Variants in TNFSF15 observed in about 807,000 individuals in gnomAD.
TNFSF15 encodes the protein tumor necrosis factor ligand superfamily member 15.
Under a neutral mutation model 26.4 loss-of-function variants are expected in TNFSF15, and 15 were observed. That is an observed-to-expected ratio of 0.57 (90% CI 0.38 to 0.87). The LOEUF (loss-of-function observed/expected upper bound fraction) is 0.87. Ranked by LOEUF, TNFSF15 falls within the 40% of genes least tolerant of loss-of-function variation. The probability of loss-of-function intolerance (pLI) is 0.00; values close to 1 mark genes in which losing one functional copy is unlikely to be tolerated. For synonymous variants in TNFSF15, 116 were observed against 115.0 expected (o/e 1.01, Z -0.06); for missense variants, 290 against 306.1 (o/e 0.95, Z 0.39).
chr9:114,802,297 G>T (rs957213448), intron 1 of TNFSF15, among the ~76,000 whole-genome samples: 17 of 152,152 alleles, frequency 1.1e-4, no homozygotes, highest in African/African-American at 4.1e-4. Flanking sequence ...CTGTCACCCA[G>T]GCTGGAGTGA....
At chr9:114,805,658 C>T in intron 1 of TNFSF15, 145 bp downstream of exon 1, 4 of 766,936 alleles carry the variant, frequency 5.2e-6, no homozygotes, top group Non-Finnish European at 6.1e-6. Flanking sequence ...CTCTCCACCC[C>T]TCCCACTCTA....
Position 114,797,221 on chromosome 9 carries a change from T to C in TNFSF15, c.211-3653A>G, listed in dbSNP as rs139487980. Among the ~76,000 whole-genome samples the C allele has an allele frequency of 9.0e-4, 137 of 152,364 alleles. 3 individuals carry two copies. The highest frequency in any genetic ancestry group is 9.8e-4 in the Non-Finnish European group (67 of 68,042). On this transcript the variant is annotated intron_variant, in intron 1 of 3. Coordinates refer to ENST00000374045, the MANE Select transcript of TNFSF15 (RefSeq NM_005118.4). ...ACTCAGAATCCCATTGTCATTAGCA[T>C]GTATCTGAGCTGTGGACACATTTCC...
chr9:114,801,987 A>G (rs1253538885), intron 1 of TNFSF15, among the ~76,000 whole-genome samples: 5 of 152,216 alleles, frequency 3.3e-5, no homozygotes, highest in Admixed American at 2.6e-4. Flanking sequence ...ATGTTCATAT[A>G]GGTAAATATT....
At chr9:114,801,097 G>T (rs1184780646) in intron 1 of TNFSF15, among the ~76,000 whole-genome samples, 1 of 152,170 alleles carries the variant, frequency 6.6e-6, no homozygotes. Flanking sequence ...GTTAAACCCT[G>T]GGCAGGAATG....
chr9:114,800,158 T>C (rs761883557), intron 1 of TNFSF15, among the ~76,000 whole-genome samples: 1 of 152,202 alleles, frequency 6.6e-6, no homozygotes, highest in Non-Finnish European at 1.5e-5. Flanking sequence ...GAATCATGTC[T>C]GCTGAGCATC....
rs55809188 is a variant in TNFSF15 at position 114,797,304 on chromosome 9, T to C, written c.211-3736A>G. On this transcript the variant is annotated intron_variant, in intron 1 of 3. Coordinates refer to ENST00000374045, the MANE Select transcript of TNFSF15 (RefSeq NM_005118.4). ...CACACATTTTATTTTCATATATGGATGGATAAGTATGGTCCAGTGTGCCAC... is the reference window on the plus strand; with the variant it reads ...CACACATTTTATTTTCATATATGGACGGATAAGTATGGTCCAGTGTGCCAC... 1.8e-3 allele frequency among the ~76,000 whole-genome samples: 271 copies of C among 152,342 alleles called. 4 individuals are homozygous for C. The East Asian group carries it at 0.029, about 16-fold the overall frequency.
intron 1 of TNFSF15, among the ~76,000 whole-genome samples, chr9:114,801,487 G>T (rs1015481167): frequency 6.6e-6 from 1 of 152,266 alleles, no homozygotes; most frequent in Middle Eastern, 3.4e-3. Flanking sequence ...CTCTGGCCAG[G>T]CGATGGCAAA....
chr9:114,797,695 C>A (rs901054993), intron 1 of TNFSF15, among the ~76,000 whole-genome samples: 2 of 152,144 alleles, frequency 1.3e-5, no homozygotes, highest in African/African-American at 4.8e-5. Flanking sequence ...CTGGGGGCAC[C>A]GAAGAGGTGT....
rs1442276581 is a variant in TNFSF15, at chr9:114,786,809, G to C, written c.*3643C>G. On this transcript the variant is annotated 3_prime_UTR_variant, in exon 4 of 4. Coordinates refer to ENST00000374045, the MANE Select transcript of TNFSF15 (RefSeq NM_005118.4). ...AGCCTGTAGTCCCAGCTACTCGGGAGGCTGAAGCAGGAGAATGGCGTGAAC... is the reference window on the plus strand; with the variant it reads ...AGCCTGTAGTCCCAGCTACTCGGGACGCTGAAGCAGGAGAATGGCGTGAAC... 1 of 151,464 alleles carries C rather than the reference G, an allele frequency of 6.6e-6. No homozygotes were observed. Among genetic ancestry groups the C allele is most frequent in the Non-Finnish European group, 1.5e-5 (1 of 67,988 alleles). The allele number at this position is 151,464 out of a possible 1,614,324, so 9.4% of individuals were successfully genotyped here.
At position 114,805,212 on chromosome 9, in the gene TNFSF15, G is replaced by T. The variant is rs1829801883; in HGVS notation, c.210+591C>A. On this transcript the variant is annotated intron_variant, in intron 1 of 3. Transcript: ENST00000374045. ...GTTCTAAACCCAAGAAAAAGAGTGG[G>T]TAAAGAAATTATAGCATCCACATAT... 2.0e-5 allele frequency among the ~76,000 whole-genome samples: 3 copies of T among 152,154 alleles called. No homozygotes were observed. In the South Asian group the frequency reaches 6.2e-4, roughly 32 times the overall value.
Position 114,805,944 on chromosome 9 carries a change from G to C in TNFSF15, c.69C>G (p.Ser23Arg). 6.2e-7 allele frequency: 1 copy of C among 1,614,110 alleles called. No individual in the cohort carries two copies. The highest frequency in any genetic ancestry group is 8.5e-7 in the Non-Finnish European group (1 of 1,180,044). ...TGCTGCTCCTGGCCTTGGGCCTGCA[G>C]CTGCCGTGCTCTGGCAGCATTTCCA... ...ASVEMLPEHGSCRPKARSSSA... is the reference protein window; with the variant it reads ...ASVEMLPEHGRCRPKARSSSA... The change falls in exon 1 of 4, where the codon AGC becomes AGG. Residue 23 changes from serine (S) to arginine (R), a missense_variant. Physicochemically the swap from Ser to Arg is moderately radical, Grantham distance 110 (BLOSUM62 -1). Around this residue, in one of 3 missense-constraint regions of TNFSF15, gnomAD observed 179 missense variants for 165.9 expected, o/e 1.08. Coordinates refer to ENST00000374045, the MANE Select transcript of TNFSF15 (RefSeq NM_005118.4).
chr9:114,784,707 C>T lies in TNFSF15; in HGVS notation c.*5745G>A, dbSNP rs1445673941. On this transcript the variant is annotated 3_prime_UTR_variant, in exon 4 of 4. Transcript: ENST00000374045. ...CATCTATTAAATATATTAACACATA[C>T]AACATTTCATTTACAGAGATTAGAA... The T allele has an allele frequency of 6.6e-6, 1 of 152,172 alleles. No homozygotes were observed. Among genetic ancestry groups the T allele is most frequent in the Non-Finnish European group, 1.5e-5 (1 of 68,026 alleles). The allele number at this position is 152,172 out of a possible 1,614,324, so 9.4% of individuals were successfully genotyped here.
Position 114,790,732 on chromosome 9 carries a change from G to A in TNFSF15, c.476C>T (p.Thr159Ile), listed in dbSNP as rs771795926. 3 of 1,613,942 alleles carry A rather than the reference G, an allele frequency of 1.9e-6. No individual in the cohort carries two copies. Among genetic ancestry groups the A allele is most frequent in the African/African-American group, 2.7e-5 (2 of 74,892 alleles). ...TTGTCTGATTTCACTGCACTCAGAG[G>A]TCATCCCACGGAATGTGACCTGGGA... is the stretch of plus-strand genomic sequence containing the variant. ...IYSQVTFRGM[T>I]SECSEIRQAG... The change falls in exon 4 of 4, where the codon ACC (threonine) becomes ATC (isoleucine). Residue 159 changes from threonine (T) to isoleucine (I), a missense_variant. Thr to Ile is a moderately conservative substitution (Grantham distance 89, BLOSUM62 -1). Around this residue, in one of 3 missense-constraint regions of TNFSF15, gnomAD observed 102 missense variants for 114.7 expected, o/e 0.89. Coordinates refer to ENST00000374045, the MANE Select transcript of TNFSF15 (RefSeq NM_005118.4).
In TNFSF15 at chr9:114,789,050, C is replaced by T. The variant is rs1829549525; in HGVS notation, c.*1402G>A. On this transcript the variant is annotated 3_prime_UTR_variant, in exon 4 of 4. Transcript: ENST00000374045. ...TCTGCATATAAAGTTGCAAATCAAA[C>T]CTCAAAGATCTAGGTTAACTTCTTC... The T allele has an allele frequency of 6.6e-6, 1 of 152,182 alleles. No individual in the cohort carries two copies. The allele number at this position is 152,182 out of a possible 1,614,324, so 9.4% of individuals were successfully genotyped here.
At chr9:114,792,546 A>G (rs758958908) in intron 2 of TNFSF15, 92 bp from the exon 3 acceptor site, 28 of 1,593,924 alleles carry the variant, frequency 1.8e-5, no homozygotes, top group Non-Finnish European at 2.4e-5. Flanking sequence ...CTATGATAGG[A>G]GAGAAACCTT....
Position 114,793,570 on chromosome 9 carries a change from T to C in TNFSF15, c.211-2A>G, listed in dbSNP as rs1473488154. ...TGCAAACTCCTGTCCTTTTAGAGCC[T>C]ATTGGGAAAGAAAGTATAGTTTAGA... On this transcript the variant is annotated splice_acceptor_variant, in intron 1 of 3. Transcript: ENST00000374045. LOFTEE classifies it high-confidence loss of function. The C allele has an allele frequency of 9.3e-6, 15 of 1,613,630 alleles. No individual in the cohort carries two copies. The highest frequency in any genetic ancestry group is 9.3e-6 in the Non-Finnish European group (11 of 1,179,682).
intron 1 of TNFSF15, among the ~76,000 whole-genome samples, chr9:114,794,475 C>T (rs1380237894): frequency 2.0e-5 from 3 of 152,074 alleles, no homozygotes; most frequent in Non-Finnish European, 4.4e-5. Context: ...TCTCAAAAAA[C>T]TAAAAATAGA....
In TNFSF15 at chr9:114,792,442, C is replaced by G. The variant is rs1428574713; in HGVS notation, c.266G>C (p.Arg89Thr). The change falls in exon 3 of 4, where the codon AGA becomes ACA. Residue 89 changes from arginine to threonine, a missense_variant. This residue lies in a region of TNFSF15 where 179 missense variants were observed against 165.9 expected (regional missense o/e 1.08). Coordinates refer to ENST00000374045, the MANE Select transcript of TNFSF15 (RefSeq NM_005118.4). ...TGCCCTTGGCTTATCTCCGTCTGCT[C>G]TAAGAGGTGCATCTGTAACAAAAGG... is the stretch of plus-strand genomic sequence containing the variant. ...PSHQQVYAPL[R>T]ADGDKPRAHL... The G allele has an allele frequency of 5.6e-6, 9 of 1,614,000 alleles. No individual in the cohort carries two copies. Among genetic ancestry groups the G allele is most frequent in the Non-Finnish European group, 7.6e-6 (9 of 1,179,988 alleles).
At position 114,785,916 on chromosome 9, in the gene TNFSF15, T is replaced by C. The variant is rs887629331; in HGVS notation, c.*4536A>G. On this transcript the variant is annotated 3_prime_UTR_variant, in exon 4 of 4. Transcript: ENST00000374045. ...CAGCCCTTAACTCACTATGTGGCCC[T>C]GGGCAAGTAACTTCTTCCTTCCAGG... 2 of 152,398 alleles carry C rather than the reference T, an allele frequency of 1.3e-5. No homozygotes were observed. Among genetic ancestry groups the C allele is most frequent in the Non-Finnish European group, 2.9e-5 (2 of 68,144 alleles). The allele number at this position is 152,398 out of a possible 1,614,324, so 9.4% of individuals were successfully genotyped here.
Sources: allele counts gnomAD v4.1 joint callset (sites outside exome capture counted in the v4.1 genomes callset), GRCh38; gene constraint gnomAD v4.1.1; regional missense constraint gnomAD v4.1.1; transcripts MANE v1.5; gene names NCBI Gene and HGNC (gene_info 2026-07-23, HGNC 2026-07-21).